MYRIP: variants seen among roughly 807,000 people sequenced by gnomAD.
MYRIP encodes myosin VIIA and Rab interacting protein.
MYRIP carries 49 observed loss-of-function variants against 98.0 expected under a neutral mutation model. That is an observed-to-expected ratio of 0.50 (90% CI 0.40 to 0.63). The LOEUF is 0.63. MYRIP is among the 30% of genes least tolerant of loss of function. The pLI, the probability that MYRIP is intolerant of heterozygous loss-of-function variation, is 0.00. For missense variants in MYRIP, 1,004 were observed against 1,058.2 expected (o/e 0.95, Z 0.71); for synonymous variants, 404 against 409.5 (o/e 0.99, Z 0.16).
chr3:39,853,784 T>G (rs1392678604), intron 1 of MYRIP, among the ~76,000 whole-genome samples: 2 of 152,198 alleles, frequency 1.3e-5, no homozygotes, highest in Non-Finnish European at 2.9e-5. Flanking sequence ...TTATTTTTGT[T>G]TTTGTTGCAT....
At chr3:40,124,014 C>T (rs946179229) in intron 3 of MYRIP, among the ~76,000 whole-genome samples, 4 of 152,166 alleles carry the variant, frequency 2.6e-5, no homozygotes, top group Middle Eastern at 3.2e-3. Context: ...CAGAGTGCTC[C>T]AGGCATCCTG....
intron 3 of MYRIP, among the ~76,000 whole-genome samples, chr3:40,113,066 C>G (rs932425670): frequency 2.6e-5 from 4 of 152,154 alleles, no homozygotes; most frequent in Admixed American, 2.0e-4. Context: ...TGCATAGAAG[C>G]AATGCAGGGA....
At chr3:39,971,200 G>C (rs6599073) in intron 2 of MYRIP, among the ~76,000 whole-genome samples, 41,818 of 151,936 alleles carry the variant, frequency 0.28, 6,436 homozygotes, top group Non-Finnish European at 0.35. Flanking sequence ...GGTCCATAAG[G>C]GTCTAAAGTT....
At position 39,930,307 on chromosome 3, in the gene MYRIP, G is replaced by A. The variant is rs552163572; in HGVS notation, c.110+29381G>A. On this transcript the variant is annotated intron_variant, in intron 2 of 16. Coordinates refer to ENST00000302541, the MANE Select transcript of MYRIP (RefSeq NM_015460.4). ...TTCTTGATGGTTAATGATGTTGAGC[G>A]TCTTCCCACAGGCTTATTGGCCATT... Among the ~76,000 whole-genome samples, 19 of 151,938 alleles carry A rather than the reference G, an allele frequency of 1.3e-4. 1 individual carries two copies. The highest frequency in any genetic ancestry group is 3.3e-4 in the Admixed American group (5 of 15,242).
At chr3:40,208,976 G>A (rs1329926881) in intron 10 of MYRIP, 2 of 152,206 alleles carry the variant, frequency 1.3e-5, no homozygotes, top group South Asian at 4.1e-4. Flanking sequence ...TAAGAGAACT[G>A]TAGTTAACAT....
At chr3:39,825,074 T>A (rs769182374) in intron 1 of MYRIP, among the ~76,000 whole-genome samples, 2 of 152,200 alleles carry the variant, frequency 1.3e-5, no homozygotes, top group African/African-American at 4.8e-5. Flanking sequence ...TTGAATTTGT[T>A]TATCAGTTCT....
chr3:40,085,912 C>A (rs1161537153), intron 3 of MYRIP, among the ~76,000 whole-genome samples: 2 of 152,016 alleles, frequency 1.3e-5, no homozygotes, highest in African/African-American at 4.8e-5. Flanking sequence ...GGCAAAGGAA[C>A]CTAAATGAAA....
intron 10 of MYRIP, among the ~76,000 whole-genome samples, chr3:40,195,578 G>A (rs1951365525): frequency 1.3e-5 from 2 of 152,194 alleles, no homozygotes; most frequent in African/African-American, 4.8e-5. Flanking sequence ...TTACAGGCAT[G>A]AGCCACTGTG....
rs558298907 is a variant in MYRIP, at chr3:40,125,155, G to A, written c.333-25893G>A. On this transcript the variant is annotated intron_variant, in intron 3 of 16. Transcript: ENST00000302541. ...GAGGCATGGGGCTTTGCAGCCAGAT[G>A]GAGCTCAAATCCCAGCCCTGCCACT... Among the ~76,000 whole-genome samples the A allele has an allele frequency of 5.9e-5, 9 of 152,358 alleles. No homozygotes were observed. The East Asian group carries it at 1.3e-3, about 23-fold the overall frequency.
intron 7 of MYRIP, among the ~76,000 whole-genome samples, chr3:40,169,656 G>C (rs1950568953): frequency 6.6e-6 from 1 of 152,190 alleles, no homozygotes; most frequent in South Asian, 2.1e-4. Context: ...CCAGAATTAA[G>C]TGAGGTAAAG....
intron 2 of MYRIP, among the ~76,000 whole-genome samples, chr3:39,984,223 T>TTTTATTTTAC (rs1945971353): frequency 1.3e-5 from 2 of 151,574 alleles, no homozygotes; most frequent in Non-Finnish European, 2.9e-5. Context: ...TTTTATTTTA[T>TTTTATTTTAC]TTTATTTTAT....
chr3:39,923,415 A>G (rs1944347280), intron 2 of MYRIP, among the ~76,000 whole-genome samples: 1 of 152,184 alleles, frequency 6.6e-6, no homozygotes. Context: ...TCTTGAAAAC[A>G]GAGAAAAATG....
At chr3:40,245,859 G>A (rs1299943529) in intron 13 of MYRIP, among the ~76,000 whole-genome samples, 7 of 141,784 alleles carry the variant, frequency 4.9e-5, no homozygotes, top group South Asian at 2.4e-4. Flanking sequence ...GCAATTCCCC[G>A]CCTCAGCCTC....
intron 7 of MYRIP, 141 bp downstream of exon 7, chr3:40,167,380 T>G: frequency 1.3e-6 from 1 of 756,174 alleles, no homozygotes. Flanking sequence ...TTTTGTGCCC[T>G]GGGGACCCAT....
intron 5 of MYRIP, among the ~76,000 whole-genome samples, chr3:40,165,919 G>A (rs1313398768): frequency 1.3e-5 from 2 of 152,160 alleles, no homozygotes; most frequent in African/African-American, 2.4e-5. Context: ...GAATCCAGCT[G>A]GATTCAAATC....
intron 8 of MYRIP, chr3:40,174,423 C>T (rs1950700874): frequency 1.3e-5 from 2 of 152,242 alleles, no homozygotes; most frequent in South Asian, 4.1e-4. Flanking sequence ...CCCCCCCATT[C>T]ATACTTATAC....
chr3:40,024,573 T>G (rs1016164862), intron 2 of MYRIP, among the ~76,000 whole-genome samples: 21 of 151,568 alleles, frequency 1.4e-4, no homozygotes, highest in Non-Finnish European at 1.9e-4. Context: ...TTTGTGGGTT[T>G]TTTTTTTTTT....
At chr3:39,847,578 C>G (rs1166374818) in intron 1 of MYRIP, among the ~76,000 whole-genome samples, 1 of 152,190 alleles carries the variant, frequency 6.6e-6, no homozygotes, top group Non-Finnish European at 1.5e-5. Context: ...TAGTTCTTTA[C>G]CTTCTTTTCT....
intron 2 of MYRIP, among the ~76,000 whole-genome samples, chr3:39,931,203 A>G (rs1340767419): frequency 6.6e-6 from 1 of 151,914 alleles, no homozygotes; most frequent in Non-Finnish European, 1.5e-5. Flanking sequence ...TTGCATCTTT[A>G]ATTTATTTCA....
Sources: gnomAD v4.1 joint callset for allele counts (sites outside exome capture counted in the v4.1 genomes callset) on GRCh38, gnomAD v4.1.1 for gene constraint, MANE v1.5 for transcripts, NCBI Gene and HGNC (gene_info 2026-07-23, HGNC 2026-07-21) for gene names.